TNKS2: variants seen among roughly 807,000 people sequenced by gnomAD.
TNKS2 encodes poly [ADP-ribose] polymerase tankyrase-2.
A neutral mutation model predicts 137.6 loss-of-function variants in TNKS2; 72 were observed. The ratio of observed to expected loss-of-function variants is 0.52; its 90% CI spans 0.43 to 0.64. TNKS2 has a LOEUF of 0.64. TNKS2 is among the 30% of genes least tolerant of loss of function. The pLI, the probability that TNKS2 is intolerant of heterozygous loss-of-function variation, is 0.00. For missense variants in TNKS2, 1,049 were observed against 1,410.2 expected, an observed-to-expected ratio of 0.74 and a Z score of 4.10; for synonymous variants, 516 against 512.1, an observed-to-expected ratio of 1.01 and a Z score of -0.10.
intron 20 of TNKS2, among the ~76,000 whole-genome samples, chr10:91,850,403 G>T (rs1291497720): frequency 6.8e-6 from 1 of 146,984 alleles, no homozygotes; most frequent in Non-Finnish European, 1.5e-5. Flanking sequence ...GAAAATTCAA[G>T]TTTTAGCATA....
chr10:91,844,885 CAAGTA>C (rs771059657), intron 16 of TNKS2, 29 bp from the exon 17 acceptor site: 92 of 1,472,182 alleles, frequency 6.2e-5, no homozygotes, highest in Non-Finnish European at 7.8e-5. Flanking sequence ...AAAGAAAAAA[CAAGTA>C]AAGTAATTTT....
chr10:91,851,998 G>A (rs1017677833), intron 21 of TNKS2, among the ~76,000 whole-genome samples: 1 of 152,060 alleles, frequency 6.6e-6, no homozygotes, highest in Non-Finnish European at 1.5e-5. Context: ...GGAGGCCGAT[G>A]CAGGTGGATC....
intron 13 of TNKS2, among the ~76,000 whole-genome samples, 194 bp from the exon 14 acceptor site, chr10:91,840,367 G>T (rs1842173635): frequency 6.6e-6 from 1 of 151,918 alleles, no homozygotes; most frequent in African/African-American, 2.4e-5. Context: ...AAAAAAAAGG[G>T]CATGGATGAG....
intron 1 of TNKS2, among the ~76,000 whole-genome samples, chr10:91,811,618 A>C (rs1230184771): frequency 6.6e-6 from 1 of 152,148 alleles, no homozygotes; most frequent in African/African-American, 2.4e-5. Flanking sequence ...AAAAACAGTT[A>C]ATCTTTTCAA....
chr10:91,831,052 T>C (rs1454073025), intron 10 of TNKS2, 38 bp downstream of exon 10: 1 of 1,612,958 alleles, frequency 6.2e-7, no homozygotes, highest in South Asian at 1.1e-5. Flanking sequence ...CATTGAGATT[T>C]TACTCTTTTG....
chr10:91,854,891 T>A, intron 21 of TNKS2, 138 bp from the exon 22 acceptor site: 1 of 520,824 alleles, frequency 1.9e-6, no homozygotes, highest in Admixed American at 3.4e-5. Context: ...AGAGTGAAAC[T>A]CTGTCTCAAA....
chr10:91,799,206 C>G (rs540974666), intron 1 of TNKS2, among the ~76,000 whole-genome samples: 3 of 152,222 alleles, frequency 2.0e-5, no homozygotes, highest in East Asian at 3.9e-4. Flanking sequence ...TAGAAGGCCT[C>G]TACACACAAG....
At chr10:91,835,206 G>GA (rs1841963037) in intron 12 of TNKS2, among the ~76,000 whole-genome samples, 1 of 150,526 alleles carries the variant, frequency 6.6e-6, no homozygotes, top group South Asian at 2.1e-4. Flanking sequence ...GAAAAAAAAT[G>GA]ATATTTAATC....
intron 1 of TNKS2, among the ~76,000 whole-genome samples, chr10:91,808,247 A>G (rs1844393252): frequency 6.6e-6 from 1 of 151,576 alleles, no homozygotes; most frequent in African/African-American, 2.4e-5. Flanking sequence ...CAAACCAGGT[A>G]ATGAGTAGAA....
Position 91,840,742 on chromosome 10 carries a change from A to C in TNKS2, c.1673+36A>C, listed in dbSNP as rs1554838947. On this transcript the variant is annotated intron_variant, in intron 14 of 26. Transcript: ENST00000371627. ...ATGATTGTTATGGACTCTCTTCCTT[A>C]CTTTTACTTGACCTTTTTAGGAAAA... is the stretch of plus-strand genomic sequence containing the variant. 2.6e-6 allele frequency: 4 copies of C among 1,565,936 alleles called. No homozygotes were observed. The South Asian group carries it at 4.8e-5, about 19-fold the overall frequency.
chr10:91,820,075 C>G (rs373316295), intron 6 of TNKS2, 42 bp downstream of exon 6: 1 of 1,285,250 alleles, frequency 7.8e-7, no homozygotes. Flanking sequence ...AAATGTTACC[C>G]TCTTCTTAAA....
At chr10:91,842,440 A>G (rs370129914) in intron 16 of TNKS2, 49 bp downstream of exon 16, 4 of 1,540,106 alleles carry the variant, frequency 2.6e-6, no homozygotes, top group African/African-American at 2.7e-5. Flanking sequence ...TCTGAGATTC[A>G]TTTTACCCAG....
chr10:91,820,341 T>C (rs1197251524), intron 6 of TNKS2, among the ~76,000 whole-genome samples: 7 of 152,184 alleles, frequency 4.6e-5, no homozygotes, highest in Admixed American at 4.6e-4. Flanking sequence ...TCAGTGATGG[T>C]TGACTGGAGT....
intron 16 of TNKS2, among the ~76,000 whole-genome samples, chr10:91,844,374 A>T (rs756793353): frequency 1.3e-5 from 2 of 152,204 alleles, no homozygotes; most frequent in Non-Finnish European, 2.9e-5. Flanking sequence ...TCATGGCTTT[A>T]ACAGCACCTA....
intron 2 of TNKS2, among the ~76,000 whole-genome samples, chr10:91,816,881 A>G (rs17107075): frequency 0.094 from 14,326 of 152,192 alleles, 765 homozygotes; most frequent in East Asian, 0.19. Flanking sequence ...GTCACCAGCT[A>G]TATAAATAGC....
intron 13 of TNKS2, among the ~76,000 whole-genome samples, chr10:91,837,476 G>A (rs1842062336): frequency 6.6e-6 from 1 of 152,130 alleles, no homozygotes; most frequent in Admixed American, 6.5e-5. Flanking sequence ...CTTTCCCAGG[G>A]CTTGCAACTT....
At position 91,817,484 on chromosome 10, in the gene TNKS2, A is replaced by T. The variant is rs545821724; in HGVS notation, c.520+255A>T. ...GGGGGTGAGGGTGATAGATAATTGT[A>T]TGTTGCTTTAGTATATTCAGGACAT... is the stretch of plus-strand genomic sequence containing the variant. On this transcript the variant is annotated intron_variant, in intron 3 of 26. Transcript: ENST00000371627. Among the ~76,000 whole-genome samples the T allele has an allele frequency of 5.3e-4, 80 of 152,130 alleles. 1 individual carries two copies. The highest frequency in any genetic ancestry group is 9.1e-4 in the Non-Finnish European group (62 of 68,012).
intron 21 of TNKS2, among the ~76,000 whole-genome samples, chr10:91,852,371 C>T (rs1842566730): frequency 6.6e-6 from 1 of 151,282 alleles, no homozygotes; most frequent in South Asian, 2.1e-4. Context: ...TCCTGGCTAA[C>T]ATGGTGAAAC....
At chr10:91,801,337 C>T (rs1452058665) in intron 1 of TNKS2, among the ~76,000 whole-genome samples, 1 of 152,034 alleles carries the variant, frequency 6.6e-6, no homozygotes, top group Non-Finnish European at 1.5e-5. Context: ...TATTACTGAA[C>T]TAGATTGCAT....
Sources: gnomAD v4.1 joint callset for allele counts (sites outside exome capture counted in the v4.1 genomes callset) on GRCh38, gnomAD v4.1.1 for gene constraint, MANE v1.5 for transcripts, NCBI Gene and HGNC (gene_info 2026-07-23, HGNC 2026-07-21) for gene names.